The following ADGRD2 variants were observed in gnomAD, a reference collection of about 807,000 sequenced individuals.
ADGRD2 encodes G protein-coupled receptor PGR24.
Under a neutral mutation model 44.4 loss-of-function variants are expected in ADGRD2, and 71 were observed. That is an observed-to-expected ratio of 1.60 (90% CI 1.32 to 1.95). The LOEUF (loss-of-function observed/expected upper bound fraction) is 1.95. ADGRD2 is among the 30% of genes most tolerant of loss of function. The probability of loss-of-function intolerance (pLI) is 0.00; values close to 1 mark genes in which losing one functional copy is unlikely to be tolerated. For synonymous variants in ADGRD2, 481 were observed against 224.8 expected (o/e 2.14, Z -10.19); for missense variants, 1,039 against 512.4 (o/e 2.03, Z -9.92).
At position 124,456,610 on chromosome 9, in the gene ADGRD2, G is replaced by A; in HGVS notation, c.1394-12G>A. On this transcript the variant is annotated splice_polypyrimidine_tract_variant and intron_variant, in intron 6 of 21. Coordinates refer to ENST00000334810, the Ensembl canonical transcript of ADGRD2. ...GAGTGTGACAGAGAGCTGAGATGCAGCGTCCTCCCAGGTGATTGGTGGGCC... is the reference window on the plus strand; with the variant it reads ...GAGTGTGACAGAGAGCTGAGATGCAACGTCCTCCCAGGTGATTGGTGGGCC... The A allele has an allele frequency of 1.4e-6, 1 of 718,110 alleles. No individual in the cohort carries two copies. The highest frequency in any genetic ancestry group is 2.6e-6 in the Non-Finnish European group (1 of 385,014). The allele number at this position is 718,110 out of a possible 1,614,324, so 44.5% of individuals were successfully genotyped here. A position where few individuals can be genotyped will look rare whatever the true frequency, so the allele number is the denominator to read the frequency against.
chr9:124,474,276 CAAAAAAAAAA>C (rs397947760), intron 17 of ADGRD2, among the ~76,000 whole-genome samples: 2 of 80,648 alleles, frequency 2.5e-5, no homozygotes, highest in South Asian at 4.7e-4. Context: ...AACTCTGTCT[CAAAAAAAAAA>C]AAAAAAAAAA....
At position 124,469,550 on chromosome 9, in the gene ADGRD2, G is replaced by A. The variant is rs746474564; in HGVS notation, c.2637+3G>A. The A allele has an allele frequency of 2.2e-4, 161 of 717,768 alleles. No individual in the cohort carries two copies. Among genetic ancestry groups the A allele is most frequent in the Middle Eastern group, 4.6e-4 (2 of 4,354 alleles). The allele number at this position is 717,768 out of a possible 1,614,324, so 44.5% of individuals were successfully genotyped here. On this transcript the variant is annotated splice_donor_region_variant and intron_variant, in intron 16 of 21. Transcript: ENST00000334810. ...CAGCAGATCTGGACCCAGATATGGT[G>A]AGGCCCCAGAATGGGGGGCCAGCAG...
rs1029877858 is a variant in ADGRD2 at position 124,467,596 on chromosome 9, C to T, written c.2027-125C>T. 7 of 642,018 alleles carry T rather than the reference C, an allele frequency of 1.1e-5. No homozygotes were observed. In the African/African-American group the frequency reaches 1.3e-4, roughly 12 times the overall value. 39.8% of individuals were successfully genotyped at this position (642,018 alleles called of 1,614,324 possible). On this transcript the variant is annotated intron_variant, in intron 11 of 21. Transcript: ENST00000334810. Reference sequence around the variant, plus strand: ...CTACTGTGTGCAGGCCTGGGTCCTGCTGGCTGCTGCTGCACTGTGGAGGCG... The same window carrying T: ...CTACTGTGTGCAGGCCTGGGTCCTGTTGGCTGCTGCTGCACTGTGGAGGCG...
chr9:124,456,522 G>A (rs899832954), intron 6 of ADGRD2, 100 bp from the exon 10 acceptor site: 7 of 681,648 alleles, frequency 1.0e-5, no homozygotes, highest in African/African-American at 7.0e-5. Context: ...GGAGAGGGCA[G>A]GACCACCTCC....
intron 16 of ADGRD2, 38 bp from the exon 20 acceptor site, chr9:124,470,456 C>T (rs367810319): frequency 8.6e-6 from 6 of 697,832 alleles, no homozygotes; most frequent in Admixed American, 2.0e-5. Context: ...GCTCCCCAGG[C>T]CTCCCAACCC....
intron 10 of ADGRD2, among the ~76,000 whole-genome samples, chr9:124,463,290 T>A (rs554615350): frequency 6.6e-6 from 1 of 152,256 alleles, no homozygotes; most frequent in Admixed American, 6.5e-5. Context: ...TTGCACTGAC[T>A]GATTTTCAAG....
At chr9:124,458,412 T>C (rs1219431837) in intron 9 of ADGRD2, among the ~76,000 whole-genome samples, 176 bp downstream of exon 12, 2 of 152,120 alleles carry the variant, frequency 1.3e-5, no homozygotes, top group Non-Finnish European at 2.9e-5. Context: ...GCTCAACTCC[T>C]GTCTGGGGTT....
rs923718372 is a variant in ADGRD2, at chr9:124,452,754, G to A, written c.281+32G>A. 10 of 698,322 alleles carry A rather than the reference G, an allele frequency of 1.4e-5. No individual in the cohort carries two copies. In the East Asian group the frequency reaches 2.7e-4, roughly 19 times the overall value. The allele number at this position is 698,322 out of a possible 1,614,324, so 43.3% of individuals were successfully genotyped here. On this transcript the variant is annotated intron_variant, in intron 2 of 21. Transcript: ENST00000334810. The stretch of plus-strand genomic sequence containing the variant: ...GTGGGCCCCTGGGAAATGGGAGCAA[G>A]GGGCAGAGGCTCTGGTGACCTTCAG...
At chr9:124,473,890 G>C (rs569744389) in intron 17 of ADGRD2, among the ~76,000 whole-genome samples, 15 of 152,054 alleles carry the variant, frequency 9.9e-5, no homozygotes. Context: ...GGGGTCAAAT[G>C]GTGGGGAGAC....
At chr9:124,459,403 AGAACCGCCT>A (rs1005768710) in intron 10 of ADGRD2, among the ~76,000 whole-genome samples, 1 of 152,238 alleles carries the variant, frequency 6.6e-6, no homozygotes, top group African/African-American at 2.4e-5. Context: ...CTGAGGCAAG[AGAACCGCCT>A]GAACCCAGGA....
At chr9:124,476,605 T>C (rs1321279011) in intron 20 of ADGRD2, 74 bp from the exon 24 acceptor site, 1 of 657,738 alleles carries the variant, frequency 1.5e-6, no homozygotes, top group East Asian at 2.7e-5. Context: ...GAGGCCCCTA[T>C]AGCCAAGGGT....
intron 11 of ADGRD2, 73 bp downstream of exon 14, chr9:124,466,486 A>G: frequency 1.7e-6 from 1 of 598,302 alleles, no homozygotes; most frequent in Non-Finnish European, 3.1e-6. Flanking sequence ...GCCAATAGGT[A>G]GCCAGAAGAA....
chr9:124,454,661 C>G lies in ADGRD2; in HGVS notation c.1108+92C>G, dbSNP rs1256904159. On this transcript the variant is annotated intron_variant, in intron 5 of 21. Coordinates refer to ENST00000334810, the Ensembl canonical transcript of ADGRD2. The surrounding 1 kb of genome is among the most constrained non-coding windows in gnomAD (Gnocchi z 4.5). ...CCTCCCTTGTAAAGGGGACACCCACCTGGTGTGTCTGCAGGAATAAAGGCC... is the reference window on the plus strand; with the variant it reads ...CCTCCCTTGTAAAGGGGACACCCACGTGGTGTGTCTGCAGGAATAAAGGCC... 2 of 668,114 alleles carry G rather than the reference C, an allele frequency of 3.0e-6. No individual in the cohort carries two copies. Among genetic ancestry groups the G allele is most frequent in the East Asian group, 2.7e-5 (1 of 36,460 alleles). The allele number at this position is 668,114 out of a possible 1,614,324, so 41.4% of individuals were successfully genotyped here.
chr9:124,452,364 C>T, intron 1 of ADGRD2, 146 bp from the exon 5 acceptor site: 1 of 660,666 alleles, frequency 1.5e-6, no homozygotes, highest in South Asian at 1.7e-5. Flanking sequence ...TGCAAGAGGA[C>T]AGGACTCAGC....
intron 17 of ADGRD2, among the ~76,000 whole-genome samples, chr9:124,472,428 G>T (rs1485867779): frequency 2.0e-5 from 3 of 151,484 alleles, no homozygotes; most frequent in Non-Finnish European, 4.4e-5. Context: ...TCTGACACTG[G>T]TTTGTTTTTT....
chr9:124,474,272 G>A (rs1433630234), intron 17 of ADGRD2, among the ~76,000 whole-genome samples: 1 of 93,240 alleles, frequency 1.1e-5, no homozygotes, highest in African/African-American at 4.8e-5. Context: ...TGAAAACTCT[G>A]TCTCAAAAAA....
At chr9:124,471,895 G>T (rs1831951599) in intron 17 of ADGRD2, among the ~76,000 whole-genome samples, 1 of 152,176 alleles carries the variant, frequency 6.6e-6, no homozygotes, top group African/African-American at 2.4e-5. Context: ...AGGGGACGAG[G>T]CAGGAAGCCC....
At position 124,453,686 on chromosome 9, in the gene ADGRD2, G is replaced by GGCCCC; in HGVS notation, c.923+10_923+11insGCCCC. The stretch of plus-strand genomic sequence containing the variant: ...CGCCTTCTCTGTCCCGGTACGACCC[G>GGCCCC]CCCCGCCCCGGCCCCACCCCATGGC... On this transcript the variant is annotated intron_variant, in intron 3 of 21. Coordinates refer to ENST00000334810, the Ensembl canonical transcript of ADGRD2. 1 of 650,450 alleles carries GGCCCC rather than the reference G, an allele frequency of 1.5e-6. No homozygotes were observed. The highest frequency in any genetic ancestry group is 2.8e-6 in the Non-Finnish European group (1 of 361,952). The allele number at this position is 650,450 out of a possible 1,614,324, so 40.3% of individuals were successfully genotyped here. A position where few individuals can be genotyped will look rare whatever the true frequency, so the allele number is the denominator to read the frequency against.
intron 17 of ADGRD2, among the ~76,000 whole-genome samples, chr9:124,474,751 C>T (rs1329414224): frequency 6.6e-6 from 1 of 152,226 alleles, no homozygotes; most frequent in Non-Finnish European, 1.5e-5. Flanking sequence ...CCCCCACCCA[C>T]AGCTCCTGGT....
Sources: gnomAD v4.1 joint callset for allele counts (sites outside exome capture counted in the v4.1 genomes callset) on GRCh38, gnomAD v4.1.1 for gene constraint, Gnocchi (gnomAD v3.1) non-coding constraint, MANE v1.5 for transcripts, NCBI Gene and HGNC (gene_info 2026-07-23, HGNC 2026-07-21) for gene names.